CDC14B: variants seen among roughly 807,000 people sequenced by gnomAD.
CDC14B encodes the protein dual specificity protein phosphatase CDC14B.
Under a neutral mutation model 64.2 loss-of-function variants are expected in CDC14B, and 22 were observed. That is an observed-to-expected ratio of 0.34 (90% CI 0.24 to 0.49). The LOEUF (loss-of-function observed/expected upper bound fraction) is 0.49. Among genes scored for constraint, CDC14B ranks in the 20% least tolerant of loss-of-function variants. CDC14B has a pLI of 0.99. For missense variants in CDC14B, 498 were observed against 629.9 expected, an observed-to-expected ratio of 0.79 and a Z score of 2.24; for synonymous variants, 191 against 215.8, an observed-to-expected ratio of 0.89 and a Z score of 1.01.
chr9:96,588,136 CA>C (rs1338982025), intron 1 of CDC14B, among the ~76,000 whole-genome samples: 1 of 151,942 alleles, frequency 6.6e-6, no homozygotes, highest in East Asian at 1.9e-4. Flanking sequence ...TCTGGGGGTC[CA>C]GGGGAGGGGG....
At chr9:96,564,058 C>T (rs1475757501) in intron 3 of CDC14B, among the ~76,000 whole-genome samples, 1 of 151,976 alleles carries the variant, frequency 6.6e-6, no homozygotes, top group Non-Finnish European at 1.5e-5. Context: ...TCTCTGTATT[C>T]AATTAAATTT....
rs867050427 is a variant in CDC14B at position 96,502,304 on chromosome 9, T to C, written c.*1449A>G. 3.3e-5 allele frequency: 5 copies of C among 152,362 alleles called. No homozygotes were observed. The South Asian group carries it at 1.0e-3, about 32-fold the overall frequency. The allele number at this position is 152,362 out of a possible 1,614,324, so 9.4% of individuals were successfully genotyped here. A position where few individuals can be genotyped will look rare whatever the true frequency, so the allele number is the denominator to read the frequency against. Reference sequence around the variant, plus strand: ...TTTCTTCCAAGAAAGTACACCAAAATGGAGGCACTGCCTTTCAATTACTTT... The same window carrying C: ...TTTCTTCCAAGAAAGTACACCAAAACGGAGGCACTGCCTTTCAATTACTTT... On this transcript the variant is annotated 3_prime_UTR_variant, in exon 14 of 14. Coordinates refer to ENST00000375241, the MANE Select transcript of CDC14B (RefSeq NM_033331.4).
At chr9:96,616,214 T>C (rs1300536626) in intron 1 of CDC14B, among the ~76,000 whole-genome samples, 6 of 151,908 alleles carry the variant, frequency 3.9e-5, no homozygotes, top group Non-Finnish European at 8.8e-5. Context: ...TAGTTCCAAC[T>C]ACTCAGGAAG....
intron 9 of CDC14B, among the ~76,000 whole-genome samples, chr9:96,528,070 C>T (rs1837856198): frequency 6.6e-6 from 1 of 152,198 alleles, no homozygotes; most frequent in Admixed American, 6.5e-5. Flanking sequence ...GGCCTAATAT[C>T]TTTAAGGTTC....
chr9:96,564,436 C>G (rs1281583057), intron 3 of CDC14B, among the ~76,000 whole-genome samples: 1 of 152,134 alleles, frequency 6.6e-6, no homozygotes, highest in African/African-American at 2.4e-5. Flanking sequence ...AGAACAATGG[C>G]CACAGCAAGG....
chr9:96,569,776 C>A (rs1477201294), intron 1 of CDC14B, among the ~76,000 whole-genome samples: 1 of 152,048 alleles, frequency 6.6e-6, no homozygotes, highest in East Asian at 1.9e-4. Context: ...AGTCACATGC[C>A]GCCACTCCCA....
intron 12 of CDC14B, among the ~76,000 whole-genome samples, chr9:96,517,274 G>A (rs867810995): frequency 6.6e-6 from 1 of 151,384 alleles, no homozygotes; most frequent in Non-Finnish European, 1.5e-5. Flanking sequence ...CTCGGGAGGC[G>A]GAGGTTGCAG....
chr9:96,596,054 T>C (rs1846049767), intron 1 of CDC14B, among the ~76,000 whole-genome samples: 1 of 151,970 alleles, frequency 6.6e-6, no homozygotes, highest in South Asian at 2.1e-4. Context: ...ATTAGAGCTG[T>C]TATTTAAAAA....
At chr9:96,528,629 A>G (rs1837953422) in intron 9 of CDC14B, among the ~76,000 whole-genome samples, 1 of 152,230 alleles carries the variant, frequency 6.6e-6, no homozygotes. Flanking sequence ...ATAACCAGAG[A>G]TGGAACTGCT....
intron 1 of CDC14B, among the ~76,000 whole-genome samples, chr9:96,608,603 T>C (rs1298467357): frequency 1.3e-5 from 2 of 152,188 alleles, no homozygotes; most frequent in Admixed American, 6.6e-5. Flanking sequence ...CCGAAATATT[T>C]AGCAATCTTT....
intron 1 of CDC14B, among the ~76,000 whole-genome samples, chr9:96,586,358 T>G (rs1162804747): frequency 6.6e-6 from 1 of 152,172 alleles, no homozygotes; most frequent in South Asian, 2.1e-4. Flanking sequence ...AAAAGATAAA[T>G]GTGGTTAAGT....
chr9:96,553,275 G>A (rs1842061480), intron 4 of CDC14B, among the ~76,000 whole-genome samples: 1 of 151,870 alleles, frequency 6.6e-6, no homozygotes, highest in African/African-American at 2.4e-5. Flanking sequence ...CTTCCAAAGG[G>A]CATTTCACCA....
At chr9:96,507,402 C>T (rs1354529216) in intron 13 of CDC14B, among the ~76,000 whole-genome samples, 2 of 150,126 alleles carry the variant, frequency 1.3e-5, no homozygotes, top group South Asian at 2.1e-4. Context: ...CTGTCATCAA[C>T]GATAGGCTTT....
At chr9:96,617,206 TAGC>T (rs139078700) in intron 1 of CDC14B, among the ~76,000 whole-genome samples, 6,799 of 151,780 alleles carry the variant, frequency 0.045, 522 homozygotes, top group African/African-American at 0.16. Context: ...TGCCCTCTGA[TAGC>T]ATTTTTATTT....
At chr9:96,576,434 C>T (rs191234747) in intron 1 of CDC14B, among the ~76,000 whole-genome samples, 22 of 151,846 alleles carry the variant, frequency 1.4e-4, no homozygotes, top group African/African-American at 3.9e-4. Context: ...AGTTTGAGAC[C>T]AGCCTGACCA....
intron 8 of CDC14B, 53 bp from the exon 9 acceptor site, chr9:96,534,210 T>A: frequency 9.0e-7 from 1 of 1,111,954 alleles, no homozygotes; most frequent in Non-Finnish European, 1.3e-6. Flanking sequence ...AAACAATGGC[T>A]AATAGTTTCA....
chr9:96,519,708 C>T (rs944261570), intron 12 of CDC14B, among the ~76,000 whole-genome samples: 2 of 146,482 alleles, frequency 1.4e-5, no homozygotes, highest in African/African-American at 5.1e-5. Flanking sequence ...TCCAGCCCGG[C>T]CAACAGAGCA....
Position 96,599,337 on chromosome 9 carries a change from C to T in CDC14B, c.160+19882G>A, listed in dbSNP as rs7854166. 7.2e-3 allele frequency among the ~76,000 whole-genome samples: 1,097 copies of T among 151,588 alleles called. 9 individuals carry two copies. The highest frequency in any genetic ancestry group is 0.024 in the African/African-American group (1,009 of 41,314). On this transcript the variant is annotated intron_variant, in intron 1 of 13. Coordinates refer to ENST00000375241, the MANE Select transcript of CDC14B (RefSeq NM_033331.4). The stretch of plus-strand genomic sequence containing the variant: ...CGGAGGTTGCAGTGAGCCGAGATCT[C>T]GCCATTGCACTCCAGCCTGGGCAAC...
intron 13 of CDC14B, among the ~76,000 whole-genome samples, chr9:96,507,983 T>TAG (rs1433914206): frequency 6.6e-6 from 1 of 152,122 alleles, no homozygotes; most frequent in African/African-American, 2.4e-5. Flanking sequence ...ATAGTATACT[T>TAG]ACGCTTACAA....
Sources: allele counts gnomAD v4.1 joint callset (sites outside exome capture counted in the v4.1 genomes callset), GRCh38; gene constraint gnomAD v4.1.1; transcripts MANE v1.5; gene names NCBI Gene and HGNC (gene_info 2026-07-23, HGNC 2026-07-21).